Variants in EXOC2 observed in about 807,000 individuals in gnomAD.
EXOC2 encodes SEC5-like 1.
Under a neutral mutation model 131.8 loss-of-function variants are expected in EXOC2, and 70 were observed. That is an observed-to-expected ratio of 0.53 (90% CI 0.44 to 0.65). The LOEUF (loss-of-function observed/expected upper bound fraction) is 0.65, where lower values mean the gene tolerates loss of function less well. Ranked by LOEUF, EXOC2 falls within the 30% of genes least tolerant of loss-of-function variation. The pLI is 0.00. For missense variants in EXOC2, 923 were observed against 1,108.6 expected (o/e 0.83, Z 2.38); for synonymous variants, 411 against 398.4 (o/e 1.03, Z -0.38).
At chr6:603,326 G>A (rs1760204685) in intron 7 of EXOC2, among the ~76,000 whole-genome samples, 1 of 152,202 alleles carries the variant, frequency 6.6e-6, no homozygotes, top group Non-Finnish European at 1.5e-5. Context: ...AATTTCAACA[G>A]GCTAGAAAAT....
chr6:518,392 T>C (rs1024893732), intron 23 of EXOC2, among the ~76,000 whole-genome samples: 1 of 152,194 alleles, frequency 6.6e-6, no homozygotes, highest in East Asian at 1.9e-4. Context: ...TAACCAAAAG[T>C]TTTTAAATGA....
At chr6:604,613 A>T (rs1045317957) in intron 7 of EXOC2, among the ~76,000 whole-genome samples, 3 of 151,970 alleles carry the variant, frequency 2.0e-5, no homozygotes. Context: ...TCAGGGGCAG[A>T]CCTCGTCTAC....
rs1390174772 is a variant in EXOC2, at chr6:564,982, G to T, written c.1444-53C>A. ...CATATTAGAAATAATTTAAAAATAA[G>T]AAATGCTTTAGCACTTGTACATCAA... is the stretch of plus-strand genomic sequence containing the variant. On this transcript the variant is annotated intron_variant, in intron 13 of 27. Transcript: ENST00000230449. 4 of 1,431,262 alleles carry T rather than the reference G, an allele frequency of 2.8e-6. No homozygotes were observed. In the Admixed American group the frequency reaches 8.5e-5, roughly 30 times the overall value. 88.7% of individuals were successfully genotyped at this position (1,431,262 alleles called of 1,614,324 possible).
At chr6:614,640 A>G (rs1760890033) in intron 6 of EXOC2, among the ~76,000 whole-genome samples, 1 of 152,222 alleles carries the variant, frequency 6.6e-6, no homozygotes, top group South Asian at 2.1e-4. Context: ...CTAAACCATC[A>G]AAAGTGACAA....
intron 23 of EXOC2, among the ~76,000 whole-genome samples, chr6:512,063 G>C (rs1484561507): frequency 6.6e-6 from 1 of 152,228 alleles, no homozygotes; most frequent in Non-Finnish European, 1.5e-5. Flanking sequence ...AGAAGGGCAA[G>C]GTGCATATAC....
chr6:686,545 GC>G (rs1419601592), intron 1 of EXOC2, among the ~76,000 whole-genome samples: 1 of 152,202 alleles, frequency 6.6e-6, no homozygotes, highest in Non-Finnish European at 1.5e-5. Flanking sequence ...AATACTGGAA[GC>G]CAGACAAGTA....
At chr6:582,868 C>T (rs1758992378) in intron 11 of EXOC2, among the ~76,000 whole-genome samples, 1 of 152,090 alleles carries the variant, frequency 6.6e-6, no homozygotes, top group South Asian at 2.1e-4. Context: ...CCTGTTAACT[C>T]ACTCACTCAG....
intron 7 of EXOC2, among the ~76,000 whole-genome samples, chr6:609,369 G>C (rs530007445): frequency 7.2e-5 from 11 of 152,160 alleles, no homozygotes; most frequent in African/African-American, 2.7e-4. Context: ...GATGCCCATG[G>C]GCATTCCTAT....
chr6:672,245 T>C (rs1376874733), intron 1 of EXOC2, among the ~76,000 whole-genome samples: 2 of 152,252 alleles, frequency 1.3e-5, no homozygotes, highest in Non-Finnish European at 2.9e-5. Context: ...TCTTCTCTTC[T>C]GTTAGTGTTA....
intron 1 of EXOC2, among the ~76,000 whole-genome samples, chr6:661,645 T>C (rs1561986917): frequency 6.6e-6 from 1 of 152,156 alleles, no homozygotes; most frequent in African/African-American, 2.4e-5. Context: ...GAGCTCTAAC[T>C]CTTGAAACAA....
intron 7 of EXOC2, among the ~76,000 whole-genome samples, chr6:603,253 G>A (rs1323168934): frequency 6.6e-6 from 1 of 152,110 alleles, no homozygotes; most frequent in African/African-American, 2.4e-5. Context: ...TGAAACATTA[G>A]GGTGCCTGGA....
chr6:642,827 A>G (rs1762415055), intron 1 of EXOC2, among the ~76,000 whole-genome samples: 1 of 152,178 alleles, frequency 6.6e-6, no homozygotes, highest in Non-Finnish European at 1.5e-5. Context: ...TTATAGATCA[A>G]TATAGTTATA....
intron 23 of EXOC2, among the ~76,000 whole-genome samples, chr6:516,202 A>C (rs1250364186): frequency 6.6e-6 from 1 of 152,204 alleles, no homozygotes; most frequent in Non-Finnish European, 1.5e-5. Flanking sequence ...AAAGATACTA[A>C]TCAAGTGGTT....
intron 22 of EXOC2, among the ~76,000 whole-genome samples, chr6:547,015 T>C (rs1168298660): frequency 2.0e-5 from 3 of 152,244 alleles, no homozygotes; most frequent in Non-Finnish European, 4.4e-5. Context: ...AATGTAATTT[T>C]GAGTCCTGCC....
At chr6:525,810 A>G (rs1319118261) in intron 23 of EXOC2, among the ~76,000 whole-genome samples, 1 of 152,188 alleles carries the variant, frequency 6.6e-6, no homozygotes, top group Non-Finnish European at 1.5e-5. Flanking sequence ...TTCAATAAAA[A>G]TGAGGAAAGA....
At chr6:648,716 C>CTT (rs60202015) in intron 1 of EXOC2, among the ~76,000 whole-genome samples, 47 of 88,526 alleles carry the variant, frequency 5.3e-4, no homozygotes, top group South Asian at 1.2e-3. Flanking sequence ...TTTAAAAACT[C>CTT]TTTTTTTTTT....
chr6:499,430 AACACACACACACAC>A (rs5873755), intron 24 of EXOC2, among the ~76,000 whole-genome samples: 24 of 141,742 alleles, frequency 1.7e-4, no homozygotes, highest in South Asian at 4.8e-4. Flanking sequence ...CTCACAGTTA[AACACACACACACAC>A]ACACACACAC....
At chr6:619,855 A>G (rs960242677) in intron 4 of EXOC2, among the ~76,000 whole-genome samples, 2 of 152,084 alleles carry the variant, frequency 1.3e-5, no homozygotes, top group African/African-American at 4.8e-5. Flanking sequence ...TGACAGTTTT[A>G]TTAAACCTAT....
chr6:590,025 G>T (rs1759449203), intron 11 of EXOC2, among the ~76,000 whole-genome samples: 2 of 151,942 alleles, frequency 1.3e-5, no homozygotes, highest in African/African-American at 4.8e-5. Flanking sequence ...TGAGGCAGGA[G>T]AATGGTGTGA....
Sources: allele counts gnomAD v4.1 joint callset (sites outside exome capture counted in the v4.1 genomes callset), GRCh38; gene constraint gnomAD v4.1.1; transcripts MANE v1.5; gene names NCBI Gene and HGNC (gene_info 2026-07-23, HGNC 2026-07-21).